DPP6: variants seen among roughly 807,000 people sequenced by gnomAD.
DPP6 encodes the protein dipeptidyl peptidase like 6.
DPP6 carries 69 observed loss-of-function variants against 122.6 expected under a neutral mutation model. The observed-to-expected ratio is 0.56, with a 90% confidence interval of 0.46 to 0.69. DPP6 has a LOEUF of 0.69. DPP6 is among the 30% of genes least tolerant of loss of function. DPP6 has a pLI of 0.00. For missense variants in DPP6, 928 were observed against 1,116.9 expected (o/e 0.83, Z 2.41); for synonymous variants, 418 against 433.1 (o/e 0.97, Z 0.43).
At chr7:154,876,163 A>G in intron 20 of DPP6, 63 bp downstream of exon 20, 4 of 1,477,034 alleles carry the variant, frequency 2.7e-6, no homozygotes, top group Non-Finnish European at 3.6e-6. Flanking sequence ...TGGGGGCAGC[A>G]CCGCAGTCAC....
rs572494565 is a variant in DPP6 at position 154,752,431 on chromosome 7, G to A, written c.884-16986G>A. ...TTCAAGATAGAGTTGGTTTTAAAAAGATGTTGCCCTGGCTCTCCTGGGCTC... is the reference window on the plus strand; with the variant it reads ...TTCAAGATAGAGTTGGTTTTAAAAAAATGTTGCCCTGGCTCTCCTGGGCTC... On this transcript the variant is annotated intron_variant, in intron 8 of 25. Transcript: ENST00000377770. Among the ~76,000 whole-genome samples, 4 of 152,268 alleles carry A rather than the reference G, an allele frequency of 2.6e-5. No individual in the cohort carries two copies. The East Asian group carries it at 7.7e-4, about 29-fold the overall frequency.
chr7:154,676,192 AGCGTGCTGTC>A (rs1838890255), intron 7 of DPP6, among the ~76,000 whole-genome samples: 1 of 146,848 alleles, frequency 6.8e-6, no homozygotes. Context: ...ACAGCCTTGC[AGCGTGCTGTC>A]TGGAGGTCCA....
At chr7:154,414,406 A>G (rs980095984) in intron 1 of DPP6, among the ~76,000 whole-genome samples, 2 of 152,208 alleles carry the variant, frequency 1.3e-5, no homozygotes, top group Admixed American at 6.5e-5. Flanking sequence ...ACCTAAATTA[A>G]TCACCTTTAT....
At position 153,992,028 on chromosome 7, in the gene DPP6, C is replaced by T. The variant is rs538889220; in HGVS notation, c.51+104294C>T. ...CTCCATGGCAGAAGGTGGAAGAGAA[C>T]GAACCTTCTCCTGCAACCCCATTTT... On this transcript the variant is annotated intron_variant, in intron 1 of 25. Coordinates refer to the DPP6 transcript ENST00000404039. 8.5e-5 allele frequency among the ~76,000 whole-genome samples: 13 copies of T among 152,242 alleles called. No homozygotes were observed. The South Asian group carries it at 1.7e-3, about 19-fold the overall frequency.
At position 154,483,469 on chromosome 7, in the gene DPP6, G is replaced by A. The variant is rs1173717246; in HGVS notation, c.457+8432G>A. Reference sequence around the variant, plus strand: ...GCTCCAAACCAGAAGTGGTTCTGGGGTTCTACCAAGGGAACAAGGGAGAAG... The same window carrying A: ...GCTCCAAACCAGAAGTGGTTCTGGGATTCTACCAAGGGAACAAGGGAGAAG... On this transcript the variant is annotated intron_variant, in intron 3 of 25. Transcript: ENST00000377770. The surrounding 1 kb of genome is among the most constrained non-coding windows in gnomAD (Gnocchi z 8.1). Among the ~76,000 whole-genome samples the A allele has an allele frequency of 6.6e-6, 1 of 152,082 alleles. No individual in the cohort carries two copies. Among genetic ancestry groups the A allele is most frequent in the Non-Finnish European group, 1.5e-5 (1 of 68,010 alleles).
chr7:154,049,732 C>T (rs1800201235), upstream of DPP6, among the ~76,000 whole-genome samples: 1 of 144,546 alleles, frequency 6.9e-6, no homozygotes, highest in East Asian at 2.0e-4. Context: ...GGACTACAGG[C>T]GCCACCATCA....
intron 7 of DPP6, among the ~76,000 whole-genome samples, chr7:154,709,988 C>T (rs1344785888): frequency 6.6e-6 from 1 of 152,198 alleles, no homozygotes; most frequent in Non-Finnish European, 1.5e-5. Context: ...TTCAGCATCA[C>T]CTGGACTCAG....
intron 1 of DPP6, among the ~76,000 whole-genome samples, chr7:154,236,680 G>A (rs550211036): frequency 2.4e-4 from 36 of 152,138 alleles, no homozygotes; most frequent in Non-Finnish European, 4.9e-4. Flanking sequence ...CTCATGGAAA[G>A]CCTCAGCCTA....
intron 7 of DPP6, among the ~76,000 whole-genome samples, chr7:154,679,074 A>G (rs1405485283): frequency 6.6e-6 from 1 of 152,192 alleles, no homozygotes; most frequent in African/African-American, 2.4e-5. Flanking sequence ...GCTGCCCTTG[A>G]TAAAGCAGAG....
chr7:153,823,841 C>T, the DPP6 span, among the ~76,000 whole-genome samples: 4 of 152,034 alleles, frequency 2.6e-5, no homozygotes. Flanking sequence ...GTTTTCACTG[C>T]AGTCAATTCC....
At chr7:154,384,319 A>G (rs1307406156) in intron 1 of DPP6, among the ~76,000 whole-genome samples, 2 of 152,208 alleles carry the variant, frequency 1.3e-5, no homozygotes, top group Non-Finnish European at 2.9e-5. Context: ...GCATTGTGGC[A>G]TCCAATGGCA....
chr7:154,690,545 A>T (rs1236672224), intron 7 of DPP6, among the ~76,000 whole-genome samples: 1 of 152,134 alleles, frequency 6.6e-6, no homozygotes, highest in Non-Finnish European at 1.5e-5. Flanking sequence ...CTGTTTCTCC[A>T]CACAGAGTGC....
At chr7:154,779,009 C>T (rs1587113960) in intron 10 of DPP6, among the ~76,000 whole-genome samples, 1 of 143,420 alleles carries the variant, frequency 7.0e-6, no homozygotes, top group Non-Finnish European at 1.5e-5. Context: ...CCTCCACCAC[C>T]AGCACCCCAC....
rs1395970237 is a variant in DPP6 at position 153,964,978 on chromosome 7, C to CCCTT, written c.51+77261_51+77264dup. On this transcript the variant is annotated intron_variant, in intron 1 of 25. Transcript: ENST00000404039. ...TCTCTTTCTTTCTTTCATTTCTTTT[C>CCCTT]CCTTCCTTCCTTCCTTCCTTTCTTC... Among the ~76,000 whole-genome samples the CCCTT allele has an allele frequency of 5.5e-4, 39 of 71,232 alleles. 1 individual carries two copies. Among genetic ancestry groups the CCCTT allele is most frequent in the African/African-American group, 1.6e-3 (16 of 10,124 alleles). The allele number at this position is 71,232 out of a possible 152,430, so 46.7% of individuals were successfully genotyped here.
At chr7:153,989,911 C>T (rs1156635646) in intron 1 of DPP6, among the ~76,000 whole-genome samples, 1 of 151,208 alleles carries the variant, frequency 6.6e-6, no homozygotes, top group Non-Finnish European at 1.5e-5. Context: ...AGTCCTGCCA[C>T]CTGCCAGCCT....
chr7:154,089,783 A>AT (rs1027791426), intron 1 of DPP6, among the ~76,000 whole-genome samples: 2 of 150,772 alleles, frequency 1.3e-5, no homozygotes, highest in Admixed American at 6.6e-5. Context: ...TCTCTGGTTT[A>AT]TTTTTTTAAA....
Position 154,892,835 on chromosome 7 carries a change from A to G in DPP6, c.*355A>G. The G allele has an allele frequency of 1.8e-6, 1 of 549,542 alleles. No homozygotes were observed. The highest frequency in any genetic ancestry group is 3.6e-6 in the Non-Finnish European group (1 of 280,656). 34.0% of individuals were successfully genotyped at this position (549,542 alleles called of 1,614,324 possible). A position where few individuals can be genotyped will look rare whatever the true frequency, so the allele number is the denominator to read the frequency against. On this transcript the variant is annotated 3_prime_UTR_variant, in exon 26 of 26. Coordinates refer to ENST00000377770, the MANE Select transcript of DPP6 (RefSeq NM_130797.4). ...ACCGGCCCCTAGATTCCAGCCACCA[A>G]GCGGAAGCATGAGACCCGCCCACAC...
intron 1 of DPP6, among the ~76,000 whole-genome samples, chr7:154,157,468 C>T (rs926585487): frequency 6.6e-6 from 1 of 152,182 alleles, no homozygotes; most frequent in Non-Finnish European, 1.5e-5. Context: ...GTAATGTATG[C>T]ACAACGTGGG....
Position 154,023,317 on chromosome 7 carries a change from T to TACACACAC in DPP6, c.51+135583_51+135584insACACACAC, listed in dbSNP as rs1563109129. 3.7e-4 allele frequency among the ~76,000 whole-genome samples: 15 copies of TACACACAC among 40,978 alleles called. 1 individual carries two copies. The highest frequency in any genetic ancestry group is 0.012 in the Middle Eastern group (1 of 84). 26.9% of individuals were successfully genotyped at this position (40,978 alleles called of 152,430 possible). A position where few individuals can be genotyped will look rare whatever the true frequency, so the allele number is the denominator to read the frequency against. On this transcript the variant is annotated intron_variant, in intron 1 of 25. Coordinates refer to the DPP6 transcript ENST00000404039. ...GCAGGCTCTGGAAATGTTTCTTGTCTGCACACACACACACACACACACACA... is the reference window on the plus strand; with the variant it reads ...GCAGGCTCTGGAAATGTTTCTTGTCTACACACACGCACACACACACACACACACACACA...
Sources: allele counts gnomAD v4.1 joint callset (sites outside exome capture counted in the v4.1 genomes callset), GRCh38; gene constraint gnomAD v4.1.1; non-coding constraint Gnocchi (gnomAD v3.1); transcripts MANE v1.5; gene names NCBI Gene and HGNC (gene_info 2026-07-23, HGNC 2026-07-21).